The following TEC variants were observed in gnomAD, a reference collection of about 807,000 sequenced individuals.
TEC encodes tec protein tyrosine kinase, also known as tyrosine-protein kinase Tec.
In TEC, 72 loss-of-function variants were observed where a neutral mutation model predicts 93.0. The ratio of observed to expected loss-of-function variants is 0.77; its 90% CI spans 0.64 to 0.94. TEC has a LOEUF of 0.94. Among genes scored for constraint, TEC ranks in the 40% least tolerant of loss-of-function variants. TEC has a pLI of 0.00. For synonymous variants in TEC, 249 were observed against 247.7 expected, an observed-to-expected ratio of 1.01 and a Z score of -0.05; for missense variants, 630 against 757.9, an observed-to-expected ratio of 0.83 and a Z score of 1.98.
At chr4:48,256,363 C>T (rs988248990) in intron 1 of TEC, among the ~76,000 whole-genome samples, 2 of 151,586 alleles carry the variant, frequency 1.3e-5, no homozygotes, top group Non-Finnish European at 2.9e-5. Flanking sequence ...GCAGTTGGAT[C>T]GCTTGAGCCT....
intron 1 of TEC, among the ~76,000 whole-genome samples, chr4:48,241,478 G>C (rs1723921751): frequency 6.6e-6 from 1 of 152,164 alleles, no homozygotes. Context: ...TTCTATTGCA[G>C]AATTACTGCT....
At chr4:48,172,937 A>G (rs566001063) in intron 3 of TEC, among the ~76,000 whole-genome samples, 150 of 152,316 alleles carry the variant, frequency 9.8e-4, no homozygotes, top group African/African-American at 3.2e-3. Context: ...AAAGACTGCT[A>G]GGGCCTTGGA....
intron 8 of TEC, among the ~76,000 whole-genome samples, chr4:48,157,466 C>A (rs1322082415): frequency 6.6e-6 from 1 of 152,206 alleles, no homozygotes; most frequent in African/African-American, 2.4e-5. Flanking sequence ...TTCCCTCCCA[C>A]CAGATCTTTC....
At chr4:48,187,304 A>G (rs1721918186) in intron 2 of TEC, among the ~76,000 whole-genome samples, 1 of 152,186 alleles carries the variant, frequency 6.6e-6, no homozygotes, top group African/African-American at 2.4e-5. Context: ...GGAAGGCCGC[A>G]GGGTCCTCTG....
At chr4:48,184,735 T>A (rs73244497) in intron 2 of TEC, among the ~76,000 whole-genome samples, 6,441 of 151,262 alleles carry the variant, frequency 0.043, 175 homozygotes, top group South Asian at 0.064. Flanking sequence ...TGAAATGGCA[T>A]GTTTAGCAAC....
At chr4:48,188,719 T>C (rs1328239757) in intron 2 of TEC, among the ~76,000 whole-genome samples, 1 of 152,186 alleles carries the variant, frequency 6.6e-6, no homozygotes, top group Non-Finnish European at 1.5e-5. Flanking sequence ...GTGTGTTGCA[T>C]TTTTTTCACT....
intron 2 of TEC, among the ~76,000 whole-genome samples, chr4:48,198,181 G>A (rs1231832684): frequency 6.6e-6 from 1 of 152,206 alleles, no homozygotes; most frequent in African/African-American, 2.4e-5. Flanking sequence ...GCTGCCTCAG[G>A]CCATGCTTTC....
intron 2 of TEC, among the ~76,000 whole-genome samples, chr4:48,189,086 G>A (rs1722001383): frequency 6.6e-6 from 1 of 151,932 alleles, no homozygotes; most frequent in Non-Finnish European, 1.5e-5. Context: ...TGTGTCTAAG[G>A]AAAAAAACAT....
chr4:48,151,041 T>C (rs976367562), intron 9 of TEC, 99 bp from the exon 10 acceptor site: 1 of 771,072 alleles, frequency 1.3e-6, no homozygotes, highest in Non-Finnish European at 1.9e-6. Flanking sequence ...TTATGATTAT[T>C]ATTCTTTCCC....
chr4:48,179,163 T>C (rs1361620723), intron 2 of TEC, among the ~76,000 whole-genome samples: 1 of 151,730 alleles, frequency 6.6e-6, no homozygotes, highest in Non-Finnish European at 1.5e-5. Flanking sequence ...GACAAGCTCA[T>C]TTCCTGAGCT....
Position 48,207,472 on chromosome 4 carries a change from A to G in TEC, c.138+21005T>C, listed in dbSNP as rs1390409908. On this transcript the variant is annotated intron_variant, in intron 2 of 17. Transcript: ENST00000381501. ...TCAAGGAAAATATGTTTTCAACATT[A>G]TAAAATAAACATGTTAAAGAATTTC... is the stretch of plus-strand genomic sequence containing the variant. Among the ~76,000 whole-genome samples the G allele has an allele frequency of 2.0e-5, 3 of 152,286 alleles. No individual in the cohort carries two copies. In the East Asian group the frequency reaches 5.8e-4, roughly 29 times the overall value.
Position 48,177,893 on chromosome 4 carries a change from G to A in TEC, c.139-1707C>T, listed in dbSNP as rs193278401. 1.8e-4 allele frequency among the ~76,000 whole-genome samples: 28 copies of A among 152,170 alleles called. 1 individual carries two copies. Among genetic ancestry groups the A allele is most frequent in the African/African-American group, 4.8e-4 (20 of 41,510 alleles). On this transcript the variant is annotated intron_variant, in intron 2 of 17. Transcript: ENST00000381501. ...GCTCGCTCTCTCTCTCTTGCCTGCC[G>A]CCATGTAAGATGTGCCTCTTTCCTT...
At chr4:48,167,402 G>A (rs926111947) in intron 7 of TEC, among the ~76,000 whole-genome samples, 4 of 151,794 alleles carry the variant, frequency 2.6e-5, no homozygotes, top group South Asian at 4.2e-4. Context: ...ATACACATAC[G>A]TATATATAGA....
intron 2 of TEC, among the ~76,000 whole-genome samples, chr4:48,212,854 A>T (rs1431257038): frequency 1.3e-5 from 2 of 152,208 alleles, no homozygotes; most frequent in East Asian, 3.8e-4. Flanking sequence ...ACTATAGCTT[A>T]ATCAGATTGT....
chr4:48,269,832 C>G lies in TEC; in HGVS notation c.-126G>C, dbSNP rs1724748678. On this transcript the variant is annotated 5_prime_UTR_variant, in exon 1 of 18. Coordinates refer to ENST00000381501, the MANE Select transcript of TEC (RefSeq NM_003215.3). The stretch of plus-strand genomic sequence containing the variant: ...GCCGCGGAGTCCGGAGCCTAGCGCC[C>G]CAGAGTCCAGAGCAAAGCGCCCCGC... 6.6e-6 allele frequency: 1 copy of G among 152,196 alleles called. No homozygotes were observed. The highest frequency in any genetic ancestry group is 1.5e-5 in the Non-Finnish European group (1 of 68,092). The allele number at this position is 152,196 out of a possible 1,614,324, so 9.4% of individuals were successfully genotyped here.
chr4:48,264,223 C>T (rs1284737245), intron 1 of TEC, among the ~76,000 whole-genome samples: 1 of 152,120 alleles, frequency 6.6e-6, no homozygotes, highest in Non-Finnish European at 1.5e-5. Context: ...CAATTGAACC[C>T]TCTATAAAAA....
chr4:48,235,088 T>C lies in TEC; in HGVS notation c.-45-6429A>G, dbSNP rs142630734. 1.6e-3 allele frequency among the ~76,000 whole-genome samples: 237 copies of C among 151,928 alleles called. 1 individual carries two copies. Among genetic ancestry groups the C allele is most frequent in the African/African-American group, 5.4e-3 (224 of 41,464 alleles). ...CAGAATAATAGGAAAAAAAAAAAGC[T>C]GATTAGTAACATCAAGTTACTTCAG... On this transcript the variant is annotated intron_variant, in intron 1 of 17. Coordinates refer to ENST00000381501, the MANE Select transcript of TEC (RefSeq NM_003215.3).
chr4:48,246,467 GAA>G (rs34988086), intron 1 of TEC, among the ~76,000 whole-genome samples: 18 of 133,376 alleles, frequency 1.3e-4, no homozygotes, highest in South Asian at 4.8e-4. Flanking sequence ...AAACTATCTT[GAA>G]AAAAAAAAAA....
At chr4:48,157,408 G>A (rs1028536271) in intron 8 of TEC, among the ~76,000 whole-genome samples, 3 of 152,138 alleles carry the variant, frequency 2.0e-5, no homozygotes, top group Admixed American at 2.0e-4. Context: ...CCCTGTGGTT[G>A]CCCAAGACTC....
Sources: gnomAD v4.1 joint callset for allele counts (sites outside exome capture counted in the v4.1 genomes callset) on GRCh38, gnomAD v4.1.1 for gene constraint, MANE v1.5 for transcripts, NCBI Gene and HGNC (gene_info 2026-07-23, HGNC 2026-07-21) for gene names.